SH3GL2: variants seen among roughly 807,000 people sequenced by gnomAD.
SH3GL2 encodes endophilin-A1.
SH3GL2 carries 24 observed loss-of-function variants against 46.0 expected under a neutral mutation model. That is an observed-to-expected ratio of 0.52 (90% CI 0.38 to 0.73). SH3GL2 has a LOEUF of 0.73. Among genes scored for constraint, SH3GL2 ranks in the 30% least tolerant of loss-of-function variants. The pLI, the probability that SH3GL2 is intolerant of heterozygous loss-of-function variation, is 0.00. For missense variants in SH3GL2, 413 were observed against 424.2 expected (o/e 0.97, Z 0.23); for synonymous variants, 196 against 147.1 (o/e 1.33, Z -2.40).
In SH3GL2 at chr9:17,789,406, G is replaced by A; in HGVS notation, c.480G>A (p.Lys160=). 6.2e-7 allele frequency: 1 copy of A among 1,613,292 alleles called. No individual in the cohort carries two copies. The highest frequency in any genetic ancestry group is 8.5e-7 in the Non-Finnish European group (1 of 1,179,444). Residue 160 remains lysine (K), a synonymous_variant, in exon 6 of 9, where the codon AAG becomes AAA. Coordinates refer to ENST00000380607, the MANE Select transcript of SH3GL2 (RefSeq NM_003026.5). ...DLREIQHHLK[K]LEGRRLDFDY... ...GACTTTTGCAGCATCATCTAAAGAAGTTGGAGGGTCGACGCCTGGATTTTG... is the reference window on the plus strand; with the variant it reads ...GACTTTTGCAGCATCATCTAAAGAAATTGGAGGGTCGACGCCTGGATTTTG...
intron 3 of SH3GL2, among the ~76,000 whole-genome samples, chr9:17,779,544 C>T (rs1240885321): frequency 3.3e-5 from 5 of 152,106 alleles, no homozygotes; most frequent in African/African-American, 9.7e-5. Context: ...TTGAACCAAA[C>T]CCACAGAGTT....
chr9:17,665,415 G>T (rs1820319611), intron 1 of SH3GL2, among the ~76,000 whole-genome samples: 1 of 151,982 alleles, frequency 6.6e-6, no homozygotes, highest in Non-Finnish European at 1.5e-5. Context: ...TCGTGACCTT[G>T]ATGTTTTTGA....
chr9:17,786,639 T>C (rs997592144), intron 4 of SH3GL2, 115 bp downstream of exon 4: 5 of 1,094,672 alleles, frequency 4.6e-6, no homozygotes, highest in Non-Finnish European at 6.8e-6. Context: ...TTTTCAGTTT[T>C]AGATCCTACA....
chr9:17,702,161 T>G (rs1821354816), intron 1 of SH3GL2, among the ~76,000 whole-genome samples: 1 of 152,118 alleles, frequency 6.6e-6, no homozygotes, highest in African/African-American at 2.4e-5. Flanking sequence ...TAAATGGTTT[T>G]GGGAAAGATG....
At chr9:17,637,898 T>C (rs1192741221) in intron 1 of SH3GL2, among the ~76,000 whole-genome samples, 1 of 152,158 alleles carries the variant, frequency 6.6e-6, no homozygotes, top group African/African-American at 2.4e-5. Context: ...GGCTCAAGCC[T>C]GTAATCCCAG....
intron 1 of SH3GL2, among the ~76,000 whole-genome samples, chr9:17,615,197 G>A (rs1290863743): frequency 1.3e-5 from 2 of 152,192 alleles, no homozygotes; most frequent in Non-Finnish European, 2.9e-5. Flanking sequence ...CCGTAGCAGG[G>A]TGAGATATGG....
intron 1 of SH3GL2, among the ~76,000 whole-genome samples, chr9:17,661,355 A>G (rs572975131): frequency 6.6e-6 from 1 of 152,232 alleles, no homozygotes; most frequent in African/African-American, 2.4e-5. Flanking sequence ...CAGGCCCAGG[A>G]TGGAGAGACA....
chr9:17,622,095 T>A (rs560311725), intron 1 of SH3GL2, among the ~76,000 whole-genome samples: 2 of 152,332 alleles, frequency 1.3e-5, no homozygotes, highest in African/African-American at 4.8e-5. Context: ...TTCCCTATTT[T>A]TCATTTGGAA....
At position 17,721,582 on chromosome 9, in the gene SH3GL2, A is replaced by T. The variant is rs149586767; in HGVS notation, c.46-25484A>T. On this transcript the variant is annotated intron_variant, in intron 1 of 8. Coordinates refer to ENST00000380607, the MANE Select transcript of SH3GL2 (RefSeq NM_003026.5). Reference sequence around the variant, plus strand: ...AGTTTTTCTGGTAATTTTTTTGGAAAATTTCTCTTTAATTTCCCATTACCA... The same window carrying T: ...AGTTTTTCTGGTAATTTTTTTGGAATATTTCTCTTTAATTTCCCATTACCA... 5.4e-3 allele frequency among the ~76,000 whole-genome samples: 824 copies of T among 152,124 alleles called. 12 individuals carry two copies. Among genetic ancestry groups the T allele is most frequent in the African/African-American group, 0.019 (773 of 41,528 alleles).
At chr9:17,765,512 T>C (rs929319148) in intron 3 of SH3GL2, among the ~76,000 whole-genome samples, 1 of 152,212 alleles carries the variant, frequency 6.6e-6, no homozygotes, top group Non-Finnish European at 1.5e-5. Flanking sequence ...CAGAATGATA[T>C]TTTAAAAAGC....
intron 1 of SH3GL2, among the ~76,000 whole-genome samples, chr9:17,690,570 C>T (rs1280305464): frequency 6.6e-6 from 1 of 152,100 alleles, no homozygotes; most frequent in Admixed American, 6.6e-5. Context: ...CACCAAGCTC[C>T]TGTGGCCAGC....
chr9:17,725,884 A>C (rs1333054751), intron 1 of SH3GL2, among the ~76,000 whole-genome samples: 1 of 152,106 alleles, frequency 6.6e-6, no homozygotes, highest in Admixed American at 6.6e-5. Flanking sequence ...CTCTAGCCCT[A>C]GACTAGGAGC....
chr9:17,744,046 A>G (rs904933866), intron 1 of SH3GL2, among the ~76,000 whole-genome samples: 1 of 152,210 alleles, frequency 6.6e-6, no homozygotes, highest in Non-Finnish European at 1.5e-5. Flanking sequence ...GTTTCCTGAC[A>G]TTGGAGACAG....
At chr9:17,627,890 G>C (rs1563788722) in intron 1 of SH3GL2, among the ~76,000 whole-genome samples, 1 of 152,162 alleles carries the variant, frequency 6.6e-6, no homozygotes, top group Non-Finnish European at 1.5e-5. Flanking sequence ...ACAGTGGTCT[G>C]GGAAGACTTG....
chr9:17,621,163 G>C (rs1319833360), intron 1 of SH3GL2, among the ~76,000 whole-genome samples: 2 of 151,956 alleles, frequency 1.3e-5, no homozygotes, highest in African/African-American at 4.8e-5. Flanking sequence ...TCATGATTTG[G>C]GTTATCAATA....
intron 1 of SH3GL2, among the ~76,000 whole-genome samples, chr9:17,640,208 A>G (rs1415667475): frequency 2.0e-5 from 3 of 152,100 alleles, no homozygotes; most frequent in Non-Finnish European, 1.5e-5. Flanking sequence ...AGTCTCTGCC[A>G]GTTTATCTTA....
intron 1 of SH3GL2, among the ~76,000 whole-genome samples, chr9:17,738,011 C>T (rs564793355): frequency 2.0e-5 from 3 of 152,156 alleles, no homozygotes; most frequent in African/African-American, 7.2e-5. Context: ...TCTAATTGTC[C>T]ATGAGGGTAT....
chr9:17,631,427 C>T (rs578155105), intron 1 of SH3GL2, among the ~76,000 whole-genome samples: 1 of 152,322 alleles, frequency 6.6e-6, no homozygotes, highest in East Asian at 1.9e-4. Flanking sequence ...GTTCTGGCAG[C>T]TGTTTCTTGT....
intron 1 of SH3GL2, among the ~76,000 whole-genome samples, chr9:17,689,914 A>G (rs1280122979): frequency 6.6e-6 from 1 of 152,080 alleles, no homozygotes; most frequent in East Asian, 1.9e-4. Flanking sequence ...GGACTTTGTT[A>G]ATTCTGTTTG....
Sources: gnomAD v4.1 joint callset for allele counts (sites outside exome capture counted in the v4.1 genomes callset) on GRCh38, gnomAD v4.1.1 for gene constraint, MANE v1.5 for transcripts, NCBI Gene and HGNC (gene_info 2026-07-23, HGNC 2026-07-21) for gene names.